Variants in SH3KBP1 observed in about 807,000 individuals in gnomAD.
SH3KBP1 encodes SH3 domain containing kinase binding protein 1, also known as SH3 domain-containing kinase-binding protein 1.
Under a neutral mutation model 50.1 loss-of-function variants are expected in SH3KBP1, and 8 were observed. That is an observed-to-expected ratio of 0.16 (90% CI 0.09 to 0.29). The LOEUF is 0.29. SH3KBP1 is among the 10% of genes least tolerant of loss of function. The pLI is 1.00. For missense variants in SH3KBP1, 377 were observed against 535.2 expected (o/e 0.70, Z 2.92); for synonymous variants, 227 against 218.6 (o/e 1.04, Z -0.34).
At chrX:19,718,157 C>T (rs777515370) in intron 3 of SH3KBP1, among the ~76,000 whole-genome samples, 1 of 110,344 alleles carries the variant, frequency 9.1e-6, no homozygotes, top group South Asian at 3.8e-4. Context: ...CACACACACA[C>T]ACACACACAC....
chrX:19,773,851 G>A (rs1355623023), intron 2 of SH3KBP1, among the ~76,000 whole-genome samples: 8 of 75,698 alleles, frequency 1.1e-4, no homozygotes, highest in Non-Finnish European at 1.4e-4. Flanking sequence ...GCGAGACTCC[G>A]GCTCGAAAAA....
intron 3 of SH3KBP1, among the ~76,000 whole-genome samples, chrX:19,744,423 G>A (rs2064862279): frequency 8.9e-6 from 1 of 111,862 alleles, no homozygotes; most frequent in African/African-American, 3.3e-5. Context: ...TGACTGGTGG[G>A]GGAGGGCCAG....
At chrX:19,713,987 C>T (rs2063841369) in intron 3 of SH3KBP1, among the ~76,000 whole-genome samples, 1 of 112,010 alleles carries the variant, frequency 8.9e-6, no homozygotes, top group Non-Finnish European at 1.9e-5. Context: ...TACATATACC[C>T]AATGGAATGC....
intron 12 of SH3KBP1, among the ~76,000 whole-genome samples, chrX:19,582,800 C>G (rs960303008): frequency 8.9e-6 from 1 of 112,227 alleles, no homozygotes; most frequent in Non-Finnish European, 1.9e-5. Context: ...CCTGCTCTAG[C>G]TTCTCTATTC....
At position 19,643,321 on chromosome X, in the gene SH3KBP1, TA is replaced by T. The variant is rs1569373464; in HGVS notation, c.802+2078del. Among the ~76,000 whole-genome samples, 59 of 86,578 alleles carry T rather than the reference TA, an allele frequency of 6.8e-4. 7 individuals carry two copies. The highest frequency in any genetic ancestry group is 2.7e-3 in the African/African-American group (42 of 15,551). 75.2% of individuals were successfully genotyped at this position (86,578 alleles called of 115,157 possible). A position where few individuals can be genotyped will look rare whatever the true frequency, so the allele number is the denominator to read the frequency against. On this transcript the variant is annotated intron_variant, in intron 7 of 17. Transcript: ENST00000397821. ...AAGAATTTTTTATTTTTTTTTTTTT[TA>T]TTTTTTTTTTTTTTTGAGACAGGGT...
At chrX:19,865,666 T>C (rs1252531431) in intron 1 of SH3KBP1, among the ~76,000 whole-genome samples, 1 of 112,176 alleles carries the variant, frequency 8.9e-6, no homozygotes, top group Non-Finnish European at 1.9e-5. Context: ...GCTCTATTTT[T>C]AGCAAGTCTC....
intron 16 of SH3KBP1, 146 bp downstream of exon 16, chrX:19,541,779 C>T: frequency 3.2e-6 from 2 of 628,791 alleles, no homozygotes; most frequent in African/African-American, 2.2e-5. Context: ...TCGGGGTCTA[C>T]ACGCACTCCC....
intron 2 of SH3KBP1, among the ~76,000 whole-genome samples, chrX:19,811,358 G>A (rs2067202460): frequency 9.0e-6 from 1 of 111,562 alleles, no homozygotes; most frequent in South Asian, 3.7e-4. Context: ...TAGCGTTTAT[G>A]GTTTTAAACA....
intron 2 of SH3KBP1, among the ~76,000 whole-genome samples, chrX:19,830,121 T>A (rs905477495): frequency 9.0e-6 from 1 of 111,061 alleles, no homozygotes. Flanking sequence ...CGTGCTGACC[T>A]CCTATCTCGT....
At chrX:19,699,125 C>G (rs183565806) in intron 4 of SH3KBP1, among the ~76,000 whole-genome samples, 309 of 111,884 alleles carry the variant, frequency 2.8e-3, no homozygotes, top group Non-Finnish European at 3.8e-3. Flanking sequence ...TCTTGCACTG[C>G]CCCAGTACCT....
At chrX:19,686,617 G>A (rs1219770592) in intron 5 of SH3KBP1, among the ~76,000 whole-genome samples, 5 of 110,886 alleles carry the variant, frequency 4.5e-5, no homozygotes, top group Admixed American at 9.6e-5. Flanking sequence ...AAACTCCCAC[G>A]GTGAGGCACA....
At chrX:19,886,291 G>C (rs750519110) in intron 1 of SH3KBP1, among the ~76,000 whole-genome samples, 1 of 112,269 alleles carries the variant, frequency 8.9e-6, no homozygotes, top group Non-Finnish European at 1.9e-5. Context: ...CCTGAACACA[G>C]AAAGGTCTCA....
intron 3 of SH3KBP1, among the ~76,000 whole-genome samples, chrX:19,746,060 AG>A (rs1163462435): frequency 8.8e-6 from 1 of 113,003 alleles, no homozygotes; most frequent in Non-Finnish European, 1.9e-5. Flanking sequence ...TGAAATCTAC[AG>A]CTCCAGAAAA....
At chrX:19,787,435 G>C (rs1010535695) in intron 2 of SH3KBP1, among the ~76,000 whole-genome samples, 1 of 111,712 alleles carries the variant, frequency 9.0e-6, no homozygotes, top group Non-Finnish European at 1.9e-5. Flanking sequence ...TTCAGAGAAG[G>C]GGTCTAGCCA....
intron 2 of SH3KBP1, among the ~76,000 whole-genome samples, chrX:19,750,363 T>C (rs750066251): frequency 1.4e-4 from 16 of 111,883 alleles, no homozygotes; most frequent in African/African-American, 2.6e-4. Context: ...TTAACCACTG[T>C]TTCCTGGAGT....
At chrX:19,654,290 G>C (rs1434579237) in intron 6 of SH3KBP1, among the ~76,000 whole-genome samples, 1 of 111,546 alleles carries the variant, frequency 9.0e-6, no homozygotes, top group East Asian at 2.8e-4. Flanking sequence ...GTAACAGGAG[G>C]GGTGAGACTG....
chrX:19,589,770 AAC>A (rs1467302888), intron 11 of SH3KBP1, among the ~76,000 whole-genome samples: 8 of 109,696 alleles, frequency 7.3e-5, no homozygotes, highest in South Asian at 4.0e-4. Flanking sequence ...TCTACTTGCA[AAC>A]ACAGACTCAT....
intron 2 of SH3KBP1, among the ~76,000 whole-genome samples, chrX:19,810,389 A>G (rs994409983): frequency 4.4e-5 from 5 of 112,685 alleles, no homozygotes; most frequent in South Asian, 7.2e-4. Context: ...ATTTGTCTGT[A>G]ATGAGACTAA....
At chrX:19,816,874 T>G (rs62589439) in intron 2 of SH3KBP1, among the ~76,000 whole-genome samples, 1 of 112,079 alleles carries the variant, frequency 8.9e-6, no homozygotes, top group Non-Finnish European at 1.9e-5. Flanking sequence ...TGTTTGCCTA[T>G]GTTTAATTCT....
Sources: allele counts gnomAD v4.1 joint callset (sites outside exome capture counted in the v4.1 genomes callset), GRCh38; gene constraint gnomAD v4.1.1; transcripts MANE v1.5; gene names NCBI Gene and HGNC (gene_info 2026-07-23, HGNC 2026-07-21).